The following HNRNPAB variants were observed in gnomAD, a reference collection of about 807,000 sequenced individuals.
HNRNPAB encodes the protein ABBP-1.
Under a neutral mutation model 44.1 loss-of-function variants are expected in HNRNPAB, and 17 were observed. That is an observed-to-expected ratio of 0.39 (90% CI 0.26 to 0.58). The LOEUF is 0.58. HNRNPAB is among the 20% of genes least tolerant of loss of function. HNRNPAB has a pLI of 0.63. For synonymous variants in HNRNPAB, 183 were observed against 167.6 expected, an observed-to-expected ratio of 1.09 and a Z score of -0.71; for missense variants, 393 against 432.7, an observed-to-expected ratio of 0.91 and a Z score of 0.81.
Position 178,206,713 on chromosome 5 carries a change from C to G in HNRNPAB, c.379-19C>G. The stretch of plus-strand genomic sequence containing the variant: ...GGCTCGTGCTGCTGAGTCAGCCTGA[C>G]CCCTTTCTGTTGGAACAGGTCCTAG... On this transcript the variant is annotated intron_variant, in intron 3 of 7. Transcript: ENST00000358344. 1 of 1,612,102 alleles carries G rather than the reference C, an allele frequency of 6.2e-7. No individual in the cohort carries two copies. The highest frequency in any genetic ancestry group is 8.5e-7 in the Non-Finnish European group (1 of 1,179,318).
Position 178,205,878 on chromosome 5 carries a change from C to CA in HNRNPAB, c.252dup (p.Asp85ArgfsTer8). ...TTGGTGGCCTGAGCTGGGATACTAG[C>CA]AAAAAAGATTTAAAAGACTATTTTA... On this transcript the variant is annotated frameshift_variant, in exon 3 of 8. Coordinates refer to ENST00000358344, the MANE Select transcript of HNRNPAB (RefSeq NM_031266.3). LOFTEE classifies it high-confidence loss of function. 1.2e-6 allele frequency: 2 copies of CA among 1,613,796 alleles called. No homozygotes were observed. Among genetic ancestry groups the CA allele is most frequent in the Non-Finnish European group, 1.7e-6 (2 of 1,179,850 alleles).
rs1399247383 is a variant in HNRNPAB, at chr5:178,211,127, T to C, written c.*504T>C. ...TTTGCCACAACCTGGATATTGAAGCTATCCAAGCTTTTGAAATAAAATTTA... is the reference window on the plus strand; with the variant it reads ...TTTGCCACAACCTGGATATTGAAGCCATCCAAGCTTTTGAAATAAAATTTA... On this transcript the variant is annotated 3_prime_UTR_variant, in exon 8 of 8. Coordinates refer to ENST00000358344, the MANE Select transcript of HNRNPAB (RefSeq NM_031266.3). The C allele has an allele frequency of 6.4e-6, 1 of 157,092 alleles. No homozygotes were observed. The highest frequency in any genetic ancestry group is 1.4e-5 in the Non-Finnish European group (1 of 71,218). 9.7% of individuals were successfully genotyped at this position (157,092 alleles called of 1,614,324 possible).
At chr5:178,209,502 C>A (rs968547689) in intron 6 of HNRNPAB, 55 bp downstream of exon 6, 1 of 1,477,124 alleles carries the variant, frequency 6.8e-7, no homozygotes, top group African/African-American at 1.4e-5. Flanking sequence ...ATGGAGCCTT[C>A]CAAGCCTGTC....
Position 178,210,471 on chromosome 5 carries a change from G to A in HNRNPAB, c.929-82G>A, listed in dbSNP as rs891248632. 12 of 1,503,874 alleles carry A rather than the reference G, an allele frequency of 8.0e-6. No individual in the cohort carries two copies. In the East Asian group the frequency reaches 9.1e-5, roughly 11 times the overall value. The allele number at this position is 1,503,874 out of a possible 1,614,324, so 93.2% of individuals were successfully genotyped here. On this transcript the variant is annotated intron_variant, in intron 7 of 7. Transcript: ENST00000358344. The stretch of plus-strand genomic sequence containing the variant: ...GTCTCTGCTGTCACGGCTGGTGAGG[G>A]TCCTGGGAAGATGCATATCAAGCGC...
chr5:178,205,093 C>T (rs1756986939), intron 2 of HNRNPAB, 47 bp downstream of exon 2: 1 of 1,177,518 alleles, frequency 8.5e-7, no homozygotes. Flanking sequence ...TGTTCCGGGG[C>T]CGCCTTTTGT....
At position 178,204,916 on chromosome 5, in the gene HNRNPAB, G is replaced by C; in HGVS notation, c.79G>C (p.Glu27Gln). 3 of 1,210,840 alleles carry C rather than the reference G, an allele frequency of 2.5e-6. No homozygotes were observed. Among genetic ancestry groups the C allele is most frequent in the Non-Finnish European group, 3.1e-6 (3 of 974,440 alleles). 75.0% of individuals were successfully genotyped at this position (1,210,840 alleles called of 1,614,324 possible). Residue 27 changes from glutamate (E) to glutamine (Q), a missense_variant, in exon 2 of 8, where the codon GAG becomes CAG. Physicochemically the swap from Glu to Gln is conservative, Grantham distance 29. Coordinates refer to ENST00000358344, the MANE Select transcript of HNRNPAB (RefSeq NM_031266.3). ...CGGACATGAGGCCGTCCCCGAAGGC[G>C]AGTCGCCGGCCGGGGCTGGCACGGG... ...ENGHEAVPEG[E>Q]SPAGAGTGAA...
chr5:178,209,133 T>G (rs950451477), intron 5 of HNRNPAB, among the ~76,000 whole-genome samples, 197 bp from the exon 6 acceptor site: 1 of 152,224 alleles, frequency 6.6e-6, no homozygotes, highest in African/African-American at 2.4e-5. Context: ...GTCGGAAGGG[T>G]TCTCTGCTGG....
intron 6 of HNRNPAB, 80 bp from the exon 7 acceptor site, chr5:178,210,052 C>T: frequency 2.5e-6 from 4 of 1,571,228 alleles, no homozygotes; most frequent in Non-Finnish European, 2.6e-6. Flanking sequence ...CCTGCCACCC[C>T]AAAGGGCAGG....
At position 178,207,243 on chromosome 5, in the gene HNRNPAB, C is replaced by T. The variant is rs1416760298; in HGVS notation, c.669+18C>T. ...GAAGCAAGGTAAGGTGTTCCCAGCT[C>T]TGCTTGGCCTCCTGTGCTGCTGGAG... On this transcript the variant is annotated intron_variant, in intron 5 of 7. Transcript: ENST00000358344. The T allele has an allele frequency of 3.1e-6, 5 of 1,613,346 alleles. No homozygotes were observed. The highest frequency in any genetic ancestry group is 4.2e-6 in the Non-Finnish European group (5 of 1,179,730).
In HNRNPAB at chr5:178,210,960, A is replaced by T. The variant is rs761659349; in HGVS notation, c.*337A>T. 4.5e-5 allele frequency: 13 copies of T among 290,872 alleles called. No individual in the cohort carries two copies. Among genetic ancestry groups the T allele is most frequent in the Non-Finnish European group, 7.0e-5 (11 of 156,218 alleles). The allele number at this position is 290,872 out of a possible 1,614,324, so 18.0% of individuals were successfully genotyped here. ...TAAAGAGTAAATTGTATCTTAGGAA[A>T]CCAGTGTCACCTTTTTTTCACCTTT... On this transcript the variant is annotated 3_prime_UTR_variant, in exon 8 of 8. Coordinates refer to ENST00000358344, the MANE Select transcript of HNRNPAB (RefSeq NM_031266.3).
In HNRNPAB at chr5:178,207,643, A is replaced by ACC. The variant is rs1275747597; in HGVS notation, c.669+419_669+420dup. On this transcript the variant is annotated intron_variant, in intron 5 of 7. Coordinates refer to ENST00000358344, the MANE Select transcript of HNRNPAB (RefSeq NM_031266.3). ...GTTTTTCTTATTCCAGAGCCTTTCT[A>ACC]CCTCCTTCTACAACCAAGTCTTTGT... 6.5e-5 allele frequency among the ~76,000 whole-genome samples: 9 copies of ACC among 139,162 alleles called. No individual in the cohort carries two copies. The South Asian group carries it at 1.8e-3, about 28-fold the overall frequency. 91.3% of individuals were successfully genotyped at this position (139,162 alleles called of 152,430 possible). A position where few individuals can be genotyped will look rare whatever the true frequency, so the allele number is the denominator to read the frequency against.
intron 4 of HNRNPAB, 65 bp from the exon 5 acceptor site, chr5:178,207,029 G>C (rs750043747): frequency 1.3e-5 from 20 of 1,597,470 alleles, no homozygotes; most frequent in African/African-American, 2.7e-5. Flanking sequence ...CTTTTCTCCT[G>C]TGAGTCCCCT....
Position 178,210,708 on chromosome 5 carries a change from G to GCAAACTTTCTATTGC in HNRNPAB, c.*87_*101dup, listed in dbSNP as rs1277267022. On this transcript the variant is annotated 3_prime_UTR_variant, in exon 8 of 8. Coordinates refer to ENST00000358344, the MANE Select transcript of HNRNPAB (RefSeq NM_031266.3). ...ACAATTATGTACCAAATTTAACTTG[G>GCAAACTTTCTATTGC]CAAACTTTCTATTGCCTGTCCCATG... 6 of 1,079,144 alleles carry GCAAACTTTCTATTGC rather than the reference G, an allele frequency of 5.6e-6. No individual in the cohort carries two copies. Among genetic ancestry groups the GCAAACTTTCTATTGC allele is most frequent in the Non-Finnish European group, 8.5e-6 (6 of 701,968 alleles). The allele number at this position is 1,079,144 out of a possible 1,614,324, so 66.8% of individuals were successfully genotyped here.
intron 5 of HNRNPAB, 126 bp from the exon 6 acceptor site, chr5:178,209,204 A>G: frequency 5.0e-6 from 4 of 794,744 alleles, no homozygotes; most frequent in Non-Finnish European, 6.6e-6. Context: ...CTCCCATACT[A>G]GCATATTTTG....
At chr5:178,208,593 ATG>A (rs1433090377) in intron 5 of HNRNPAB, 2 of 152,234 alleles carry the variant, frequency 1.3e-5, no homozygotes, top group African/African-American at 4.8e-5. Context: ...ACACTGTAAA[ATG>A]TACTATTTTT....
At chr5:178,206,964 C>T (rs540228007) in intron 4 of HNRNPAB, 74 bp downstream of exon 4, 12 of 1,591,914 alleles carry the variant, frequency 7.5e-6, no homozygotes, top group South Asian at 6.8e-5. Flanking sequence ...GTATCCTTGG[C>T]TGGCTAGACC....
chr5:178,206,588 T>C, intron 3 of HNRNPAB, 144 bp from the exon 4 acceptor site: 2 of 768,102 alleles, frequency 2.6e-6, no homozygotes, highest in Admixed American at 4.6e-5. Context: ...TTGATGAAAA[T>C]TGGGTTGGGA....
intron 4 of HNRNPAB, 92 bp from the exon 5 acceptor site, chr5:178,207,000 CCT>C (rs1392721028): frequency 5.7e-6 from 9 of 1,584,792 alleles, no homozygotes; most frequent in Non-Finnish European, 7.7e-6. Context: ...TATTTTTCAC[CCT>C]CTGTCTTCAA....
chr5:178,209,709 CTT>C (rs1757596955), intron 6 of HNRNPAB, among the ~76,000 whole-genome samples: 1 of 151,992 alleles, frequency 6.6e-6, no homozygotes, highest in Admixed American at 6.5e-5. Flanking sequence ...TGATGGGTGT[CTT>C]GGCTTTGTGG....
Sources: gnomAD v4.1 joint callset for allele counts (sites outside exome capture counted in the v4.1 genomes callset) on GRCh38, gnomAD v4.1.1 for gene constraint, MANE v1.5 for transcripts, NCBI Gene and HGNC (gene_info 2026-07-23, HGNC 2026-07-21) for gene names.